The following PDZD2 variants were observed in gnomAD, a reference collection of about 807,000 sequenced individuals.
The protein encoded by PDZD2 is PDZ domain-containing protein 2.
Under a neutral mutation model 220.7 loss-of-function variants are expected in PDZD2, and 90 were observed. The observed-to-expected ratio is 0.41, with a 90% CI of 0.34 to 0.49. PDZD2 has a LOEUF of 0.49. PDZD2 is among the 20% of genes least tolerant of loss of function. The pLI is 0.28. For missense variants in PDZD2, 3,174 were observed against 3,608.5 expected (o/e 0.88, Z 3.08); for synonymous variants, 1,375 against 1,450.5 (o/e 0.95, Z 1.18).
At chr5:32,103,109 G>T (rs370973502) in intron 24 of PDZD2, among the ~76,000 whole-genome samples, 1 of 152,052 alleles carries the variant, frequency 6.6e-6, no homozygotes, top group Admixed American at 6.5e-5. Flanking sequence ...AAGAGTTCCA[G>T]AAGGAAAAAA....
intron 2 of PDZD2, among the ~76,000 whole-genome samples, chr5:31,936,702 C>T (rs903476788): frequency 2.0e-5 from 3 of 152,142 alleles, no homozygotes; most frequent in Admixed American, 6.5e-5. Flanking sequence ...AACCAGAAAC[C>T]GATTTTCAGG....
At chr5:31,935,523 A>G (rs189868083) in intron 2 of PDZD2, among the ~76,000 whole-genome samples, 2 of 152,356 alleles carry the variant, frequency 1.3e-5, no homozygotes, top group East Asian at 3.9e-4. Flanking sequence ...TTGGAAGCTT[A>G]GTCGGAGTAG....
chr5:31,886,206 A>G (rs76590472), intron 2 of PDZD2, among the ~76,000 whole-genome samples: 1,976 of 152,270 alleles, frequency 0.013, 39 homozygotes, highest in African/African-American at 0.046. Context: ...GCCATTGTCT[A>G]TACAGTTTGA....
intron 6 of PDZD2, among the ~76,000 whole-genome samples, 179 bp from the exon 7 acceptor site, chr5:32,037,052 A>G (rs927783455): frequency 6.6e-6 from 1 of 152,214 alleles, no homozygotes; most frequent in Non-Finnish European, 1.5e-5. Context: ...GAATTGGCCA[A>G]TGCAAGGCGT....
intron 1 of PDZD2, among the ~76,000 whole-genome samples, chr5:31,715,922 T>C (rs1451358834): frequency 6.6e-6 from 1 of 152,230 alleles, no homozygotes; most frequent in Non-Finnish European, 1.5e-5. Flanking sequence ...TTGACGTTGA[T>C]GTAGCAAATG....
intron 1 of PDZD2, among the ~76,000 whole-genome samples, chr5:31,768,745 T>C (rs1295292086): frequency 6.6e-6 from 1 of 151,996 alleles, no homozygotes; most frequent in Admixed American, 6.5e-5. Context: ...TCTTCAGTGA[T>C]CCCTGCCTCA....
chr5:31,792,434 T>G (rs1753780673), intron 1 of PDZD2, among the ~76,000 whole-genome samples: 1 of 152,212 alleles, frequency 6.6e-6, no homozygotes, highest in Non-Finnish European at 1.5e-5. Flanking sequence ...TGTTTTGTTT[T>G]TTTAGACAGA....
At chr5:31,777,268 G>A (rs923285354) in intron 1 of PDZD2, among the ~76,000 whole-genome samples, 6 of 152,182 alleles carry the variant, frequency 3.9e-5, no homozygotes, top group African/African-American at 9.6e-5. Flanking sequence ...CAGAGGGGGC[G>A]CCAGGTCCCC....
At position 31,724,551 on chromosome 5, in the gene PDZD2, G is replaced by A. The variant is rs376398056; in HGVS notation, c.-360-74338G>A. Among the ~76,000 whole-genome samples the A allele has an allele frequency of 4.2e-3, 592 of 142,510 alleles. 4 individuals are homozygous for A. Among genetic ancestry groups the A allele is most frequent in the African/African-American group, 0.014 (542 of 38,162 alleles). The allele number at this position is 142,510 out of a possible 152,430, so 93.5% of individuals were successfully genotyped here. ...CGGGAGGTGGAGTTTGCAGTGAGCCGAGATCGTGCCATTGCACTCCAGCCT... is the reference window on the plus strand; with the variant it reads ...CGGGAGGTGGAGTTTGCAGTGAGCCAAGATCGTGCCATTGCACTCCAGCCT... On this transcript the variant is annotated intron_variant, in intron 1 of 24. Transcript: ENST00000438447.
At chr5:31,644,283 C>A (rs901830071) in intron 1 of PDZD2, among the ~76,000 whole-genome samples, 2 of 152,076 alleles carry the variant, frequency 1.3e-5, no homozygotes, top group East Asian at 3.8e-4. Context: ...CAATCTTGAT[C>A]TCCTATTATC....
At chr5:31,995,265 A>G (rs553159375) in intron 3 of PDZD2, among the ~76,000 whole-genome samples, 7 of 152,274 alleles carry the variant, frequency 4.6e-5, no homozygotes, top group African/African-American at 9.6e-5. Flanking sequence ...CTAGAATTCA[A>G]TTCAGTTACA....
At chr5:31,964,778 C>G (rs1014454259) in intron 2 of PDZD2, among the ~76,000 whole-genome samples, 5 of 152,178 alleles carry the variant, frequency 3.3e-5, no homozygotes, top group African/African-American at 1.2e-4. Flanking sequence ...GGCAGCGGCG[C>G]GATCTCGGCT....
intron 2 of PDZD2, among the ~76,000 whole-genome samples, chr5:31,808,194 G>A (rs1465630417): frequency 6.6e-6 from 1 of 152,168 alleles, no homozygotes; most frequent in Non-Finnish European, 1.5e-5. Flanking sequence ...CTGACGCTCT[G>A]TGCAGGACTG....
At chr5:31,746,713 G>A (rs555128048) in intron 1 of PDZD2, among the ~76,000 whole-genome samples, 2 of 152,116 alleles carry the variant, frequency 1.3e-5, no homozygotes, top group South Asian at 4.2e-4. Context: ...GGCCACTTGG[G>A]CAAGGCTTTT....
At position 31,880,791 on chromosome 5, in the gene PDZD2, C is replaced by CTTTTTTTTT. The variant is rs1037018187; in HGVS notation, c.476+81086_476+81094dup. Among the ~76,000 whole-genome samples, 106 of 76,462 alleles carry CTTTTTTTTT rather than the reference C, an allele frequency of 1.4e-3. 1 individual carries two copies. The highest frequency in any genetic ancestry group is 2.5e-3 in the East Asian group (7 of 2,768). The allele number at this position is 76,462 out of a possible 152,430, so 50.2% of individuals were successfully genotyped here. A position where few individuals can be genotyped will look rare whatever the true frequency, so the allele number is the denominator to read the frequency against. Reference sequence around the variant, plus strand: ...AGAAAGGTAGCTTTCTTTTTTTTTTCTTTTTTTTTTTTTTTTTTTTTTTTT... The same window carrying CTTTTTTTTT: ...AGAAAGGTAGCTTTCTTTTTTTTTTCTTTTTTTTTTTTTTTTTTTTTTTTTTTTTTTTTT... On this transcript the variant is annotated intron_variant, in intron 2 of 24. Transcript: ENST00000438447.
intron 1 of PDZD2, among the ~76,000 whole-genome samples, chr5:31,778,721 A>G (rs1752871179): frequency 6.6e-6 from 1 of 152,184 alleles, no homozygotes; most frequent in Non-Finnish European, 1.5e-5. Context: ...GAAGTCAGTG[A>G]GACCAAGAAC....
At chr5:31,923,632 A>T in intron 2 of PDZD2, 1 of 716,994 alleles carries the variant, frequency 1.4e-6, no homozygotes. Context: ...TTCAGTCACT[A>T]GTTGGATGGC....
intron 2 of PDZD2, among the ~76,000 whole-genome samples, chr5:31,856,076 C>T (rs1305006652): frequency 1.3e-5 from 2 of 152,150 alleles, no homozygotes; most frequent in Admixed American, 6.6e-5. Context: ...ATAATATAGA[C>T]ATATCTTTAA....
chr5:31,931,417 C>T lies in PDZD2; in HGVS notation c.477-51738C>T, dbSNP rs543207998. Among the ~76,000 whole-genome samples, 14 of 152,306 alleles carry T rather than the reference C, an allele frequency of 9.2e-5. No homozygotes were observed. The South Asian group carries it at 2.7e-3, about 29-fold the overall frequency. ...AAGTGATCCACCTGCCTTGACCTCC[C>T]AAAGTACTGGAATTACAGGCGTGAG... On this transcript the variant is annotated intron_variant, in intron 2 of 24. Coordinates refer to ENST00000438447, the MANE Select transcript of PDZD2 (RefSeq NM_178140.4).
Sources: allele counts gnomAD v4.1 joint callset (sites outside exome capture counted in the v4.1 genomes callset), GRCh38; gene constraint gnomAD v4.1.1; transcripts MANE v1.5; gene names NCBI Gene and HGNC (gene_info 2026-07-23, HGNC 2026-07-21).